ICE1: variants seen among roughly 807,000 people sequenced by gnomAD.
ICE1 encodes interactor of little elongation complex ELL subunit 1, also known as little elongation complex subunit 1.
ICE1 carries 64 observed loss-of-function variants against 192.7 expected under a neutral mutation model. The ratio of observed to expected loss-of-function variants is 0.33; its 90% CI spans 0.27 to 0.41. The LOEUF is 0.41. Among genes scored for constraint, ICE1 ranks in the 10% least tolerant of loss-of-function variants. ICE1 has a pLI of 1.00. For synonymous variants in ICE1, 1,010 were observed against 984.5 expected (o/e 1.03, Z -0.49); for missense variants, 2,708 against 2,696.0 (o/e 1.00, Z -0.10).
chr5:5,452,362 A>G (rs145516785), intron 10 of ICE1, among the ~76,000 whole-genome samples: 1 of 152,168 alleles, frequency 6.6e-6, no homozygotes, highest in Non-Finnish European at 1.5e-5. Context: ...GGCATATACA[A>G]TGAACATATA....
intron 11 of ICE1, among the ~76,000 whole-genome samples, chr5:5,455,621 AC>A (rs1451296506): frequency 1.3e-5 from 2 of 152,204 alleles, no homozygotes; most frequent in African/African-American, 4.8e-5. Context: ...TAAATATATT[AC>A]GTTAATTTTT....
At chr5:5,433,158 G>A (rs1448298184) in intron 1 of ICE1, among the ~76,000 whole-genome samples, 1 of 152,172 alleles carries the variant, frequency 6.6e-6, no homozygotes, top group African/African-American at 2.4e-5. Flanking sequence ...CTGTGCTTAG[G>A]TTTATTTAAT....
At position 5,461,369 on chromosome 5, in the gene ICE1, A is replaced by G. The variant is rs1285929921; in HGVS notation, c.2035A>G (p.Thr679Ala). The G allele has an allele frequency of 1.2e-6, 2 of 1,613,908 alleles. No homozygotes were observed. The highest frequency in any genetic ancestry group is 3.3e-4 in the Middle Eastern group (2 of 6,060). ...TTCAGAACATAAATTGCAAACTAAA[A>G]CTTTAAACACATTACATCTGCAGTC... ...HHSEHKLQTKTLNTLHLQSEP... is the reference protein window; with the variant it reads ...HHSEHKLQTKALNTLHLQSEP... The change falls in exon 13 of 19, where the codon ACT (threonine) becomes GCT (alanine). Residue 679 changes from threonine to alanine, a missense_variant. Physicochemically the swap from Thr to Ala is moderately conservative, Grantham distance 58. Transcript: ENST00000296564.
chr5:5,444,493 C>G (rs1738150633), intron 7 of ICE1, among the ~76,000 whole-genome samples, 167 bp downstream of exon 7: 1 of 152,194 alleles, frequency 6.6e-6, no homozygotes, highest in Non-Finnish European at 1.5e-5. Flanking sequence ...GAATACTACT[C>G]TCCTCTCAGT....
Position 5,439,922 on chromosome 5 carries a change from ACCTGTTTCATAGTT to A in ICE1, c.197+10_197+23del. 6.4e-7 allele frequency: 1 copy of A among 1,552,756 alleles called. No individual in the cohort carries two copies. The highest frequency in any genetic ancestry group is 8.7e-7 in the Non-Finnish European group (1 of 1,146,564). ...CTGCAGTTTGCAAGAAGGTGAGCCA[ACCTGTTTCATAGTT>A]TATGATACCACCTATATGAGTAGTT... On this transcript the variant is annotated intron_variant, in intron 4 of 18. Transcript: ENST00000296564.
chr5:5,489,279 T>G lies in ICE1; in HGVS notation c.6750T>G (p.Ile2250Met), dbSNP rs1739722865. Reference sequence around the variant, plus strand: ...CCTCCAAAAGCGTTCCGTCTGCGATTGTCAGCTGCCTAGAGGAAGTCAGTG... The same window carrying G: ...CCTCCAAAAGCGTTCCGTCTGCGATGGTCAGCTGCCTAGAGGAAGTCAGTG... The part of the protein sequence containing the change: ...REASKSVPSA[I>M]VSCLEEVSAL... Residue 2250 changes from isoleucine (I) to methionine (M), a missense_variant, in exon 19 of 19, where the codon ATT (isoleucine) becomes ATG (methionine). Physicochemically the swap from Ile to Met is conservative, Grantham distance 10. This residue lies in a region of ICE1 where 342 missense variants were observed against 419.3 expected (regional missense o/e 0.82). Coordinates refer to ENST00000296564, the MANE Select transcript of ICE1 (RefSeq NM_015325.3). The G allele has an allele frequency of 6.2e-7, 1 of 1,613,720 alleles. No homozygotes were observed. Among genetic ancestry groups the G allele is most frequent in the Non-Finnish European group, 8.5e-7 (1 of 1,179,790 alleles).
At chr5:5,482,744 C>T (rs934517488) in intron 17 of ICE1, among the ~76,000 whole-genome samples, 4 of 150,932 alleles carry the variant, frequency 2.7e-5, no homozygotes, top group African/African-American at 9.8e-5. Context: ...TGGCAGATTT[C>T]TCAGAGGTGA....
rs760002382 is a variant in ICE1 at position 5,464,111 on chromosome 5, A to G, written c.4777A>G (p.Asn1593Asp). ...TCAGTCATTTTCAGGGGAAAAAGCTAATACAAAAACTCAAAGAAGCCAAAC... is the reference window on the plus strand; with the variant it reads ...TCAGTCATTTTCAGGGGAAAAAGCTGATACAAAAACTCAAAGAAGCCAAAC... ...VAQSFSGEKA[N>D]TKTQRSQTQT... is the part of the protein sequence containing the mutation. Residue 1593 changes from asparagine (N) to aspartate (D), a missense_variant, in exon 13 of 19, where the codon AAT becomes GAT. By Grantham distance (23) the Asn-to-Asp change is conservative (BLOSUM62 1). Transcript: ENST00000296564. This position sits in a 1 kb window ranked among gnomAD's most constrained non-coding sequence, Gnocchi z 4.0. The G allele has an allele frequency of 1.9e-6, 3 of 1,613,550 alleles. No homozygotes were observed. The highest frequency in any genetic ancestry group is 1.7e-5 in the Admixed American group (1 of 60,024).
intron 16 of ICE1, 60 bp downstream of exon 16, chr5:5,473,808 C>T (rs4631149): frequency 1.6e-5 from 20 of 1,229,964 alleles, no homozygotes; most frequent in Non-Finnish European, 2.1e-5. Flanking sequence ...TTGTTGAACA[C>T]TGAATTGTGG....
At position 5,462,126 on chromosome 5, in the gene ICE1, C is replaced by G. The variant is rs766459847; in HGVS notation, c.2792C>G (p.Ser931Cys). Reference sequence around the variant, plus strand: ...AGCATTTCACCAGAAGTTTCTGCCTCTAGGAGAAAATTAGATTTTAATTCT... The same window carrying G: ...AGCATTTCACCAGAAGTTTCTGCCTGTAGGAGAAAATTAGATTTTAATTCT... Reference protein sequence around the residue: ...VKSISPEVSASRRKLDFNSPG... With the variant: ...VKSISPEVSACRRKLDFNSPG... Residue 931 changes from serine (S) to cysteine (C), a missense_variant, in exon 13 of 19, where the codon TCT becomes TGT. This residue lies in a region of ICE1 where 2,366 missense variants were observed against 2,276.6 expected (regional missense o/e 1.04). Transcript: ENST00000296564. 3 of 1,613,918 alleles carry G rather than the reference C, an allele frequency of 1.9e-6. No individual in the cohort carries two copies. Among genetic ancestry groups the G allele is most frequent in the Non-Finnish European group, 2.5e-6 (3 of 1,179,818 alleles).
chr5:5,436,304 A>G (rs1407437135), intron 1 of ICE1, 114 bp from the exon 2 acceptor site: 2 of 680,516 alleles, frequency 2.9e-6, no homozygotes, highest in African/African-American at 3.8e-5. Flanking sequence ...ATGCATTAAC[A>G]TTTCTATGTT....
At chr5:5,442,390 T>C (rs996178407) in intron 5 of ICE1, among the ~76,000 whole-genome samples, 3 of 152,212 alleles carry the variant, frequency 2.0e-5, no homozygotes, top group Non-Finnish European at 4.4e-5. Context: ...TATTTTCCTC[T>C]TTATAGAAAT....
chr5:5,440,872 G>T (rs977699018), intron 4 of ICE1, among the ~76,000 whole-genome samples: 12 of 150,796 alleles, frequency 8.0e-5, no homozygotes, highest in African/African-American at 2.9e-4. Flanking sequence ...TTATATTCCA[G>T]CCCAGGAGAC....
chr5:5,448,522 CT>C (rs1223567831), intron 10 of ICE1, among the ~76,000 whole-genome samples: 2 of 152,050 alleles, frequency 1.3e-5, no homozygotes, highest in South Asian at 2.1e-4. Flanking sequence ...ATTTACTTTC[CT>C]TTTTTTGTAT....
chr5:5,475,237 G>A (rs937390794), intron 16 of ICE1, among the ~76,000 whole-genome samples: 3 of 152,168 alleles, frequency 2.0e-5, no homozygotes, highest in African/African-American at 4.8e-5. Flanking sequence ...AGCAACTGCC[G>A]ACCCTGCTCC....
intron 1 of ICE1, among the ~76,000 whole-genome samples, chr5:5,434,200 AAAGGATATCAACCAAT>A (rs1232001219): frequency 6.6e-6 from 1 of 152,206 alleles, no homozygotes; most frequent in African/African-American, 2.4e-5. Context: ...TAACATGATT[AAAGGATATCAACCAAT>A]AACCTGGAAC....
intron 1 of ICE1, among the ~76,000 whole-genome samples, chr5:5,423,732 G>A (rs1737420017): frequency 1.3e-5 from 2 of 152,196 alleles, no homozygotes; most frequent in African/African-American, 4.8e-5. Context: ...CTAGCTGCCT[G>A]ATGTCGGGGG....
At chr5:5,434,300 T>C (rs1453901450) in intron 1 of ICE1, among the ~76,000 whole-genome samples, 1 of 152,168 alleles carries the variant, frequency 6.6e-6, no homozygotes, top group African/African-American at 2.4e-5. Context: ...TTCAATATTG[T>C]GCTGAAGCCT....
In ICE1 at chr5:5,423,045, G is replaced by A. The variant is rs772798485; in HGVS notation, c.84+46G>A. On this transcript the variant is annotated intron_variant, in intron 1 of 18. Transcript: ENST00000296564. ...CCGGGCGCGGGGGGGGACTCGGCTC[G>A]GCCGGCCGGGAGCGCAGGGATGTGG... The A allele has an allele frequency of 3.5e-3, 4,465 of 1,277,010 alleles. 15 individuals carry two copies. Among genetic ancestry groups the A allele is most frequent in the Non-Finnish European group, 4.2e-3 (4,176 of 999,684 alleles). 79.1% of individuals were successfully genotyped at this position (1,277,010 alleles called of 1,614,324 possible). A position where few individuals can be genotyped will look rare whatever the true frequency, so the allele number is the denominator to read the frequency against.
Sources: allele counts gnomAD v4.1 joint callset (sites outside exome capture counted in the v4.1 genomes callset), GRCh38; gene constraint gnomAD v4.1.1; regional missense constraint gnomAD v4.1.1; non-coding constraint Gnocchi (gnomAD v3.1); transcripts MANE v1.5; gene names NCBI Gene and HGNC (gene_info 2026-07-23, HGNC 2026-07-21).